CHD6: variants seen among roughly 807,000 people sequenced by gnomAD.
CHD6 encodes the protein ATP-dependent chromatin remodeler CHD6.
In CHD6, 50 loss-of-function variants were observed where a neutral mutation model predicts 276.9. The observed-to-expected ratio is 0.18, with a 90% CI of 0.14 to 0.23. The LOEUF is 0.23. CHD6 is among the 10% of genes least tolerant of loss of function. CHD6 has a pLI of 1.00. For synonymous variants in CHD6, 1,173 were observed against 1,229.3 expected (o/e 0.95, Z 0.96); for missense variants, 2,564 against 3,365.8 (o/e 0.76, Z 5.89).
At chr20:41,556,322 G>GAGA (rs1385874679) in intron 1 of CHD6, among the ~76,000 whole-genome samples, 2 of 120,434 alleles carry the variant, frequency 1.7e-5, no homozygotes, top group East Asian at 3.0e-4. Context: ...GAGGGAGAGG[G>GAGA]CACCTTTTTT....
Position 41,423,671 on chromosome 20 carries a change from T to A in CHD6, c.4376A>T (p.Tyr1459Phe). Reference sequence around the variant, plus strand: ...AACACCAAAGGAAGACACTGTTCTATAGAAGTCTGCTTGTTCTCTCCTAGT... The same window carrying A: ...AACACCAAAGGAAGACACTGTTCTAAAGAAGTCTGCTTGTTCTCTCCTAGT... ...RWTRREQADF[Y>F]RTVSSFGVVY... is the part of the protein sequence containing the mutation. The change falls in exon 30 of 37, where the codon TAT (tyrosine) becomes TTT (phenylalanine). Residue 1459 changes from tyrosine to phenylalanine, a missense_variant. This residue lies in a region of CHD6 where 515 missense variants were observed against 739.5 expected (regional missense o/e 0.70). Coordinates refer to ENST00000373233, the MANE Select transcript of CHD6 (RefSeq NM_032221.5). The A allele has an allele frequency of 6.2e-7, 1 of 1,614,220 alleles. No individual in the cohort carries two copies. The highest frequency in any genetic ancestry group is 2.2e-5 in the East Asian group (1 of 44,882).
intron 2 of CHD6, among the ~76,000 whole-genome samples, chr20:41,548,979 A>G (rs1490652361): frequency 1.3e-5 from 2 of 152,328 alleles, no homozygotes; most frequent in Non-Finnish European, 1.5e-5. Context: ...CGTTCATTAA[A>G]AAGTCAGGAA....
rs1211476340 is a variant in CHD6 at position 41,423,068 on chromosome 20, T to G, written c.4555+424A>C. Among the ~76,000 whole-genome samples, 4 of 152,254 alleles carry G rather than the reference T, an allele frequency of 2.6e-5. No individual in the cohort carries two copies. In the East Asian group the frequency reaches 7.7e-4, roughly 29 times the overall value. ...TCTATTGCATCAGGGGATATTTAAA[T>G]GACAGCCACTTACTTTCTATAGTTA... On this transcript the variant is annotated intron_variant, in intron 30 of 36. Coordinates refer to ENST00000373233, the MANE Select transcript of CHD6 (RefSeq NM_032221.5).
chr20:41,517,248 G>A (rs1378539681), intron 3 of CHD6, among the ~76,000 whole-genome samples: 2 of 152,168 alleles, frequency 1.3e-5, no homozygotes, highest in Admixed American at 1.3e-4. Flanking sequence ...TGGACACATA[G>A]AGGGGAATGA....
At position 41,533,138 on chromosome 20, in the gene CHD6, T is replaced by C. The variant is rs1433386046; in HGVS notation, c.466A>G (p.Lys156Glu). 1.2e-6 allele frequency: 2 copies of C among 1,614,208 alleles called. No homozygotes were observed. ...KQKDGAKKAR[K>E]PREASGTKEA... The stretch of plus-strand genomic sequence containing the variant: ...TTGGTGCCCGAGGCCTCCCGGGGCT[T>C]CCGTGCCTTCTTTGCCCCATCTTTT... The change falls in exon 3 of 37, where the codon AAG (lysine) becomes GAG (glutamate). Residue 156 changes from lysine to glutamate, a missense_variant. By Grantham distance (56) the Lys-to-Glu change is moderately conservative (BLOSUM62 1). Coordinates refer to ENST00000373233, the MANE Select transcript of CHD6 (RefSeq NM_032221.5).
In CHD6 at chr20:41,556,123, G is replaced by A. The variant is rs369117330; in HGVS notation, c.-23-4763C>T. ...GAAAACCAGTCAGGCGTGGCGGCGC[G>A]CACCTGCAATCGCAGGCACTCGGCA... On this transcript the variant is annotated intron_variant, in intron 1 of 36. Transcript: ENST00000373233. Among the ~76,000 whole-genome samples, 88 of 152,302 alleles carry A rather than the reference G, an allele frequency of 5.8e-4. No homozygotes were observed. The East Asian group carries it at 0.013, about 22-fold the overall frequency.
chr20:41,418,046 A>G (rs2047059748), intron 31 of CHD6, among the ~76,000 whole-genome samples: 1 of 152,230 alleles, frequency 6.6e-6, no homozygotes, highest in Admixed American at 6.5e-5. Flanking sequence ...TGGTTAAATG[A>G]CAAGGAGCAT....
intron 25 of CHD6, among the ~76,000 whole-genome samples, chr20:41,441,449 C>T (rs2047899307): frequency 1.3e-5 from 2 of 152,284 alleles, no homozygotes; most frequent in Non-Finnish European, 2.9e-5. Flanking sequence ...GTCAGTTTCT[C>T]CACCTGCTTC....
intron 1 of CHD6, among the ~76,000 whole-genome samples, chr20:41,554,813 T>G (rs2045197607): frequency 2.6e-5 from 4 of 152,312 alleles, no homozygotes; most frequent in Admixed American, 2.6e-4. Context: ...ATCCGATTTC[T>G]CAATGTTTTC....
intron 33 of CHD6, 52 bp downstream of exon 33, chr20:41,416,536 G>C: frequency 6.6e-7 from 1 of 1,514,212 alleles, no homozygotes; most frequent in Non-Finnish European, 9.0e-7. Flanking sequence ...CAGAGACGTG[G>C]AACACGCCCA....
At chr20:41,482,011 A>C (rs2043307003) in intron 16 of CHD6, among the ~76,000 whole-genome samples, 1 of 152,102 alleles carries the variant, frequency 6.6e-6, no homozygotes, top group East Asian at 1.9e-4. Context: ...CCGCATTTTC[A>C]AGAGAAACTA....
intron 1 of CHD6, among the ~76,000 whole-genome samples, chr20:41,589,945 C>G (rs548608542): frequency 6.6e-6 from 1 of 152,120 alleles, no homozygotes. Context: ...GGAGGCATCA[C>G]GCTACCTGAC....
At chr20:41,576,781 C>T (rs1454346648) in intron 1 of CHD6, among the ~76,000 whole-genome samples, 1 of 152,182 alleles carries the variant, frequency 6.6e-6, no homozygotes, top group Non-Finnish European at 1.5e-5. Flanking sequence ...CCATTTTATC[C>T]CTATCAATAA....
At position 41,425,338 on chromosome 20, in the gene CHD6, C is replaced by A. The variant is rs543185328; in HGVS notation, c.4186G>T (p.Ala1396Ser). 5.9e-5 allele frequency: 95 copies of A among 1,614,206 alleles called. 1 individual carries two copies. In the South Asian group the frequency reaches 1.0e-3, roughly 17 times the overall value. The change falls in exon 29 of 37, where the codon GCT (alanine) becomes TCT (serine). Residue 1396 changes from alanine to serine, a missense_variant. Physicochemically the swap from Ala to Ser is moderately conservative, Grantham distance 99. Coordinates refer to ENST00000373233, the MANE Select transcript of CHD6 (RefSeq NM_032221.5). ...SPWPVSSALTARLRRLVTVYQ... is the reference protein window; with the variant it reads ...SPWPVSSALTSRLRRLVTVYQ... Reference sequence around the variant, plus strand: ...ACAGTGACCAGACGTCTGAGACGAGCTGTGAGGGCGGAGGAAACTGGCCAG... The same window carrying A: ...ACAGTGACCAGACGTCTGAGACGAGATGTGAGGGCGGAGGAAACTGGCCAG...
intron 17 of CHD6, among the ~76,000 whole-genome samples, chr20:41,463,210 G>T (rs2042842993): frequency 6.6e-6 from 1 of 151,950 alleles, no homozygotes; most frequent in Non-Finnish European, 1.5e-5. Flanking sequence ...TAAATAAATG[G>T]GAGAAAAAGG....
Position 41,403,207 on chromosome 20 carries a change from T to C in CHD6, c.*1386A>G. On this transcript the variant is annotated 3_prime_UTR_variant, in exon 37 of 37. Coordinates refer to ENST00000373233, the MANE Select transcript of CHD6 (RefSeq NM_032221.5). The stretch of plus-strand genomic sequence containing the variant: ...TACAGTAAATTGTGACAACAAAAAG[T>C]GAAACTGGTACTAGTAACACTTGCA... 2 of 990,170 alleles carry C rather than the reference T, an allele frequency of 2.0e-6. No homozygotes were observed. The highest frequency in any genetic ancestry group is 1.2e-6 in the Non-Finnish European group (1 of 811,816). The allele number at this position is 990,170 out of a possible 1,614,324, so 61.3% of individuals were successfully genotyped here. A position where few individuals can be genotyped will look rare whatever the true frequency, so the allele number is the denominator to read the frequency against.
At chr20:41,470,759 G>A (rs2043034480) in intron 17 of CHD6, among the ~76,000 whole-genome samples, 1 of 152,230 alleles carries the variant, frequency 6.6e-6, no homozygotes, top group Admixed American at 6.5e-5. Flanking sequence ...CACTAGGTTT[G>A]ACTATTCACG....
chr20:41,545,333 A>G (rs1448477120), intron 2 of CHD6, among the ~76,000 whole-genome samples: 2 of 152,162 alleles, frequency 1.3e-5, no homozygotes, highest in Non-Finnish European at 2.9e-5. Flanking sequence ...AGTAAGAATA[A>G]TGAAAAAAAT....
rs1384098097 is a variant in CHD6, at chr20:41,404,182, AC to A, written c.*410del. 9.4e-7 allele frequency: 1 copy of A among 1,064,602 alleles called. No homozygotes were observed. The highest frequency in any genetic ancestry group is 1.1e-6 in the Non-Finnish European group (1 of 879,722). 65.9% of individuals were successfully genotyped at this position (1,064,602 alleles called of 1,614,324 possible). A position where few individuals can be genotyped will look rare whatever the true frequency, so the allele number is the denominator to read the frequency against. On this transcript the variant is annotated 3_prime_UTR_variant, in exon 37 of 37. Coordinates refer to ENST00000373233, the MANE Select transcript of CHD6 (RefSeq NM_032221.5). Reference sequence around the variant, plus strand: ...TTCCCTGTGACATTCTTCCTGTGCAACCCAGCTCACAGAAAAAGAGCTCCTC... The same window carrying A: ...TTCCCTGTGACATTCTTCCTGTGCAACCAGCTCACAGAAAAAGAGCTCCTC...
Sources: allele counts gnomAD v4.1 joint callset (sites outside exome capture counted in the v4.1 genomes callset), GRCh38; gene constraint gnomAD v4.1.1; regional missense constraint gnomAD v4.1.1; transcripts MANE v1.5; gene names NCBI Gene and HGNC (gene_info 2026-07-23, HGNC 2026-07-21).